FOXK1: variants seen among roughly 807,000 people sequenced by gnomAD.
FOXK1 encodes forkhead box K1, also known as forkhead box protein K1.
Under a neutral mutation model 51.9 loss-of-function variants are expected in FOXK1, and 19 were observed. The observed-to-expected ratio is 0.37, with a 90% CI of 0.26 to 0.54. FOXK1 has a LOEUF of 0.54. Ranked by LOEUF, FOXK1 falls within the 20% of genes least tolerant of loss-of-function variation. The pLI, the probability that FOXK1 is intolerant of heterozygous loss-of-function variation, is 0.87. For missense variants in FOXK1, 870 were observed against 1,032.7 expected, an observed-to-expected ratio of 0.84 and a Z score of 2.16; for synonymous variants, 537 against 482.6, an observed-to-expected ratio of 1.11 and a Z score of -1.48.
At chr7:4,696,325 A>G (rs1236970922) in intron 1 of FOXK1, among the ~76,000 whole-genome samples, 1 of 152,066 alleles carries the variant, frequency 6.6e-6, no homozygotes. Flanking sequence ...TCTAGCTTGG[A>G]TTTACTGTGT....
At chr7:4,757,253 T>TA in intron 5 of FOXK1, 66 bp downstream of exon 5, 5 of 1,415,374 alleles carry the variant, frequency 3.5e-6, no homozygotes, top group East Asian at 4.6e-5. Context: ...AGTTTAGAGA[T>TA]ACGTGGCGCA....
rs560163038 is a variant in FOXK1 at position 4,723,444 on chromosome 7, C to T, written c.561-17394C>T. Reference sequence around the variant, plus strand: ...AAATTTGCCTTCTTCCTTCAGGGACCATCTTGGAATAATCTTGCTCAGCTG... The same window carrying T: ...AAATTTGCCTTCTTCCTTCAGGGACTATCTTGGAATAATCTTGCTCAGCTG... On this transcript the variant is annotated intron_variant, in intron 1 of 8. Coordinates refer to ENST00000328914, the MANE Select transcript of FOXK1 (RefSeq NM_001037165.2). The surrounding 1 kb of genome is among the most constrained non-coding windows in gnomAD (Gnocchi z 4.7). Among the ~76,000 whole-genome samples, 1 of 152,040 alleles carries T rather than the reference C, an allele frequency of 6.6e-6. No homozygotes were observed. The highest frequency in any genetic ancestry group is 1.9e-4 in the East Asian group (1 of 5,170).
intron 1 of FOXK1, among the ~76,000 whole-genome samples, chr7:4,688,673 C>T (rs2115028187): frequency 6.6e-6 from 1 of 152,290 alleles, no homozygotes; most frequent in East Asian, 1.9e-4. Context: ...AGCCCCCACG[C>T]CCGGCACCCT....
chr7:4,713,738 C>T (rs1780203055), intron 1 of FOXK1, among the ~76,000 whole-genome samples: 1 of 151,906 alleles, frequency 6.6e-6, no homozygotes, highest in Non-Finnish European at 1.5e-5. Flanking sequence ...GATCTGCCCG[C>T]CTTGGCCGCT....
chr7:4,730,912 A>G lies in FOXK1; in HGVS notation c.561-9926A>G, dbSNP rs1212572705. Reference sequence around the variant, plus strand: ...ATGGGCGCGGTGGCTCACTCCTGCAATCCCAGCACTTTGGGAGGCCGAGGC... The same window carrying G: ...ATGGGCGCGGTGGCTCACTCCTGCAGTCCCAGCACTTTGGGAGGCCGAGGC... On this transcript the variant is annotated intron_variant, in intron 1 of 8. Transcript: ENST00000328914. The surrounding 1 kb of genome is among the most constrained non-coding windows in gnomAD (Gnocchi z 4.7). 3.3e-5 allele frequency among the ~76,000 whole-genome samples: 5 copies of G among 152,158 alleles called. No individual in the cohort carries two copies. Among genetic ancestry groups the G allele is most frequent in the Non-Finnish European group, 7.4e-5 (5 of 68,022 alleles).
intron 1 of FOXK1, among the ~76,000 whole-genome samples, chr7:4,686,495 C>G (rs1377988400): frequency 1.3e-5 from 2 of 152,182 alleles, no homozygotes; most frequent in Non-Finnish European, 1.5e-5. Flanking sequence ...TGACACTACG[C>G]CTGGTGGGTA....
chr7:4,744,645 G>A (rs1397673895), intron 2 of FOXK1, among the ~76,000 whole-genome samples: 1 of 152,276 alleles, frequency 6.6e-6, no homozygotes, highest in Non-Finnish European at 1.5e-5. Context: ...TCTTGCAGCT[G>A]GAGCTGTTCT....
chr7:4,684,129 G>C (rs572413418), intron 1 of FOXK1, among the ~76,000 whole-genome samples: 13 of 152,258 alleles, frequency 8.5e-5, no homozygotes, highest in African/African-American at 2.6e-4. Flanking sequence ...GCTCTGCCCC[G>C]GACCTCAAGG....
Position 4,683,872 on chromosome 7 carries a change from T to G in FOXK1, c.560+1004T>G, listed in dbSNP as rs1377882728. On this transcript the variant is annotated intron_variant, in intron 1 of 8. Coordinates refer to ENST00000328914, the MANE Select transcript of FOXK1 (RefSeq NM_001037165.2). The surrounding 1 kb of genome is among the most constrained non-coding windows in gnomAD (Gnocchi z 4.5). ...GGGCTGTGCTGAAGGAGCAGAGGCCTGGCGGGGAGGGGCGAGGACAGGAAG... is the reference window on the plus strand; with the variant it reads ...GGGCTGTGCTGAAGGAGCAGAGGCCGGGCGGGGAGGGGCGAGGACAGGAAG... Among the ~76,000 whole-genome samples the G allele has an allele frequency of 6.6e-6, 1 of 152,182 alleles. No homozygotes were observed. Among genetic ancestry groups the G allele is most frequent in the Non-Finnish European group, 1.5e-5 (1 of 68,030 alleles).
chr7:4,762,330 G>A lies in FOXK1; in HGVS notation c.2068G>A (p.Ala690Thr), dbSNP rs980081239. The change falls in exon 9 of 9, where the codon GCC becomes ACC. Residue 690 changes from alanine to threonine, a missense_variant. Around this residue, in one of 3 missense-constraint regions of FOXK1, gnomAD observed 457 missense variants for 510.8 expected, o/e 0.89. Coordinates refer to ENST00000328914, the MANE Select transcript of FOXK1 (RefSeq NM_001037165.2). This position sits in a 1 kb window ranked among gnomAD's most constrained non-coding sequence, Gnocchi z 5.7. ...CACCACCCCAGCCACTGCCACCACC[G>A]CCTCTGCCTCCGCCTCTTCCACTGG... ...ATTTPATATTASASASSTGEP... is the reference protein window; with the variant it reads ...ATTTPATATTTSASASSTGEP... The A allele has an allele frequency of 7.0e-5, 108 of 1,550,700 alleles. No individual in the cohort carries two copies. The highest frequency in any genetic ancestry group is 1.2e-4 in the East Asian group (5 of 40,910).
In FOXK1 at chr7:4,685,536, T is replaced by G. The variant is rs570504719; in HGVS notation, c.560+2668T>G. 8.1e-4 allele frequency among the ~76,000 whole-genome samples: 123 copies of G among 152,000 alleles called. 4 individuals carry two copies. Among genetic ancestry groups the G allele is most frequent in the Non-Finnish European group, 1.2e-4 (8 of 67,956 alleles). On this transcript the variant is annotated intron_variant, in intron 1 of 8. Transcript: ENST00000328914. ...TGCGCCCGGCCTCACTTTTTTTTTT[T>G]TTTTTTTTAATTTTAGAAAACTTAC... is the stretch of plus-strand genomic sequence containing the variant.
intron 1 of FOXK1, among the ~76,000 whole-genome samples, chr7:4,718,039 G>A (rs138222428): frequency 1.3e-5 from 2 of 152,148 alleles, no homozygotes; most frequent in Admixed American, 1.3e-4. Flanking sequence ...AGTGGGGGTC[G>A]CTGCCTCTGG....
intron 1 of FOXK1, among the ~76,000 whole-genome samples, chr7:4,702,976 G>C (rs532923005): frequency 6.4e-4 from 97 of 152,280 alleles, no homozygotes; most frequent in African/African-American, 2.3e-3. Context: ...TGCGTGTCCT[G>C]CTCGTCCTCC....
At chr7:4,754,071 G>T (rs1780811816) in intron 2 of FOXK1, among the ~76,000 whole-genome samples, 1 of 152,182 alleles carries the variant, frequency 6.6e-6, no homozygotes, top group African/African-American at 2.4e-5. Context: ...CCGCCTTGTG[G>T]ACACCTGTGC....
rs1347512635 is a variant in FOXK1, at chr7:4,756,513, C to G, written c.1051-481C>G. 6.6e-6 allele frequency among the ~76,000 whole-genome samples: 1 copy of G among 151,750 alleles called. No individual in the cohort carries two copies. The highest frequency in any genetic ancestry group is 1.5e-5 in the Non-Finnish European group (1 of 67,928). ...AAAGAATGGTAATGGCAGCCAGGCA[C>G]AGTAGCTCATGCCTGTAATCCCAGC... is the stretch of plus-strand genomic sequence containing the variant. On this transcript the variant is annotated intron_variant, in intron 4 of 8. Coordinates refer to ENST00000328914, the MANE Select transcript of FOXK1 (RefSeq NM_001037165.2). The surrounding 1 kb of genome is among the most constrained non-coding windows in gnomAD (Gnocchi z 4.1).
rs1357877330 is a variant in FOXK1 at position 4,755,848 on chromosome 7, T to C, written c.1050+465T>C. Among the ~76,000 whole-genome samples, 1 of 152,232 alleles carries C rather than the reference T, an allele frequency of 6.6e-6. No homozygotes were observed. On this transcript the variant is annotated intron_variant, in intron 4 of 8. Coordinates refer to ENST00000328914, the MANE Select transcript of FOXK1 (RefSeq NM_001037165.2). The surrounding 1 kb of genome is among the most constrained non-coding windows in gnomAD (Gnocchi z 6.6). ...GCGCTGTGATACCATTGTGTCTAAA[T>C]ACTCTTTTTTATTAGTTTCCTTCTT...
chr7:4,700,074 G>A (rs1044769611), intron 1 of FOXK1, among the ~76,000 whole-genome samples: 6 of 152,156 alleles, frequency 3.9e-5, no homozygotes, highest in East Asian at 1.9e-4. Context: ...AGCCATTTCC[G>A]TCAGGAGGCC....
At chr7:4,738,810 G>C (rs188929785) in intron 1 of FOXK1, among the ~76,000 whole-genome samples, 2 of 152,186 alleles carry the variant, frequency 1.3e-5, no homozygotes, top group African/African-American at 2.4e-5. Flanking sequence ...CCAGTATCTC[G>C]GGGAGAATCA....
rs1562394168 is a variant in FOXK1 at position 4,763,927 on chromosome 7, G to A, written c.*1463G>A. On this transcript the variant is annotated 3_prime_UTR_variant, in exon 9 of 9. Coordinates refer to ENST00000328914, the MANE Select transcript of FOXK1 (RefSeq NM_001037165.2). ...CACAACGAGAAACAGCGACAGATTC[G>A]ACGCAGAGCTCCGGAAGTGCCTGAG... The A allele has an allele frequency of 1.3e-5, 2 of 152,242 alleles. No homozygotes were observed. The highest frequency in any genetic ancestry group is 1.5e-5 in the Non-Finnish European group (1 of 68,050). 9.4% of individuals were successfully genotyped at this position (152,242 alleles called of 1,614,324 possible). A position where few individuals can be genotyped will look rare whatever the true frequency, so the allele number is the denominator to read the frequency against.
Sources: gnomAD v4.1 joint callset for allele counts (sites outside exome capture counted in the v4.1 genomes callset) on GRCh38, gnomAD v4.1.1 for gene constraint, gnomAD v4.1.1 regional missense constraint, Gnocchi (gnomAD v3.1) non-coding constraint, MANE v1.5 for transcripts, NCBI Gene and HGNC (gene_info 2026-07-23, HGNC 2026-07-21) for gene names.